KCNB2: variants seen among roughly 807,000 people sequenced by gnomAD.
KCNB2 encodes the protein delayed rectifier potassium channel protein.
KCNB2 carries 15 observed loss-of-function variants against 61.5 expected under a neutral mutation model. The observed-to-expected ratio is 0.24, with a 90% CI of 0.16 to 0.38. KCNB2 has a LOEUF of 0.38. Ranked by LOEUF, KCNB2 falls within the 10% of genes least tolerant of loss-of-function variation. The pLI is 1.00. For synonymous variants in KCNB2, 457 were observed against 446.0 expected, an observed-to-expected ratio of 1.02 and a Z score of -0.31; for missense variants, 828 against 1,125.2, an observed-to-expected ratio of 0.74 and a Z score of 3.78.
intron 2 of KCNB2, among the ~76,000 whole-genome samples, chr8:72,674,668 G>A (rs535369139): frequency 6.6e-6 from 1 of 152,138 alleles, no homozygotes; most frequent in South Asian, 2.1e-4. Flanking sequence ...TTGCTTTGTA[G>A]CCCTAGTATT....
intron 2 of KCNB2, among the ~76,000 whole-genome samples, chr8:72,599,995 GA>G (rs1807267298): frequency 6.6e-6 from 1 of 152,310 alleles, no homozygotes; most frequent in African/African-American, 2.4e-5. Flanking sequence ...ACTGTTGGTG[GA>G]ACTGTAAACT....
Position 72,619,289 on chromosome 8 carries a change from G to T in KCNB2, c.579+50976G>T, listed in dbSNP as rs1211883434. The T allele has an allele frequency of 4.9e-6, 3 of 616,670 alleles. No homozygotes were observed. In the East Asian group the frequency reaches 1.2e-4, roughly 25 times the overall value. 38.2% of individuals were successfully genotyped at this position (616,670 alleles called of 1,614,324 possible). A position where few individuals can be genotyped will look rare whatever the true frequency, so the allele number is the denominator to read the frequency against. ...AAGCATTCAGATACCTGGAACCAGT[G>T]CTGGAGAGATTGGCAGGGGAAAAGT... On this transcript the variant is annotated intron_variant, in intron 2 of 2. Coordinates refer to ENST00000523207, the MANE Select transcript of KCNB2 (RefSeq NM_004770.3).
intron 1 of KCNB2, among the ~76,000 whole-genome samples, chr8:72,561,731 A>ATGTG (rs1806525823): frequency 4.7e-5 from 1 of 21,356 alleles, no homozygotes; most frequent in African/African-American, 1.8e-4. Context: ...ATATATATCT[A>ATGTG]TATCTATATA....
chr8:72,708,884 A>G (rs1239464745), intron 2 of KCNB2, among the ~76,000 whole-genome samples: 1 of 152,106 alleles, frequency 6.6e-6, no homozygotes, highest in Non-Finnish European at 1.5e-5. Context: ...TTCCTATCCT[A>G]TTTTTATCTG....
intron 2 of KCNB2, among the ~76,000 whole-genome samples, chr8:72,648,481 C>T (rs1806165173): frequency 1.3e-5 from 2 of 151,090 alleles, no homozygotes; most frequent in Admixed American, 6.6e-5. Flanking sequence ...TCTATGTTGC[C>T]TAGGCTGGTC....
intron 2 of KCNB2, among the ~76,000 whole-genome samples, chr8:72,667,623 G>A (rs10957610): frequency 2.0e-5 from 3 of 151,902 alleles, no homozygotes; most frequent in Non-Finnish European, 2.9e-5. Flanking sequence ...CTCCATATCA[G>A]TATATATCTC....
intron 2 of KCNB2, among the ~76,000 whole-genome samples, chr8:72,763,790 T>G (rs541469664): frequency 2.0e-5 from 3 of 152,266 alleles, no homozygotes; most frequent in African/African-American, 7.2e-5. Context: ...CCAAGAAGAA[T>G]GTATTATAAG....
At chr8:72,769,337 T>C (rs1297305067) in intron 2 of KCNB2, among the ~76,000 whole-genome samples, 1 of 152,094 alleles carries the variant, frequency 6.6e-6, no homozygotes, top group Non-Finnish European at 1.5e-5. Context: ...ACTGATCAAG[T>C]AGTTCCTGTG....
intron 2 of KCNB2, chr8:72,750,862 A>G (rs914371745): frequency 6.6e-6 from 1 of 152,188 alleles, no homozygotes; most frequent in East Asian, 1.9e-4. Flanking sequence ...TATAAAAATC[A>G]AATGATATCA....
chr8:72,564,674 A>G (rs1314671072), intron 1 of KCNB2, among the ~76,000 whole-genome samples: 2 of 152,192 alleles, frequency 1.3e-5, no homozygotes, highest in Non-Finnish European at 2.9e-5. Flanking sequence ...ATATAAAGTT[A>G]GGACATGAAC....
intron 2 of KCNB2, among the ~76,000 whole-genome samples, chr8:72,768,082 G>T (rs1229950644): frequency 1.3e-5 from 2 of 152,236 alleles, no homozygotes; most frequent in African/African-American, 4.8e-5. Flanking sequence ...TTATTGGGTT[G>T]TAAGACTTCT....
rs1035139121 is a variant in KCNB2 at position 72,537,625 on chromosome 8, C to G, written c.-354C>G. On this transcript the variant is annotated 5_prime_UTR_variant, in exon 1 of 3. Transcript: ENST00000523207. ...CTTTTAAAGGATGCCTTAGCTTCCTCCCGCCGCCTTTCCTCTGAGCCTTCC... is the reference window on the plus strand; with the variant it reads ...CTTTTAAAGGATGCCTTAGCTTCCTGCCGCCGCCTTTCCTCTGAGCCTTCC... 2.0e-5 allele frequency: 3 copies of G among 152,442 alleles called. No individual in the cohort carries two copies. Among genetic ancestry groups the G allele is most frequent in the Non-Finnish European group, 4.4e-5 (3 of 68,244 alleles). 9.4% of individuals were successfully genotyped at this position (152,442 alleles called of 1,614,324 possible).
intron 2 of KCNB2, among the ~76,000 whole-genome samples, chr8:72,907,586 A>T (rs1020804302): frequency 1.3e-5 from 2 of 152,208 alleles, no homozygotes; most frequent in African/African-American, 4.8e-5. Context: ...TAAAAGGAGA[A>T]TTCAACCTAG....
In KCNB2 at chr8:72,672,616, G is replaced by A. The variant is rs1806583492; in HGVS notation, c.579+104303G>A. 3.3e-5 allele frequency among the ~76,000 whole-genome samples: 5 copies of A among 151,586 alleles called. No homozygotes were observed. In the South Asian group the frequency reaches 1.0e-3, roughly 32 times the overall value. ...TAGTGAAAGGTGTTTTTGATGTCTT[G>A]AATTTAACAAAAGAGCTCTTTTTTT... On this transcript the variant is annotated intron_variant, in intron 2 of 2. Coordinates refer to ENST00000523207, the MANE Select transcript of KCNB2 (RefSeq NM_004770.3).
At chr8:72,792,769 G>A (rs144720001) in intron 2 of KCNB2, among the ~76,000 whole-genome samples, 91 of 152,300 alleles carry the variant, frequency 6.0e-4, no homozygotes, top group African/African-American at 2.1e-3. Context: ...TAAATCATGT[G>A]TTTATAAGAC....
At chr8:72,635,426 G>A (rs898239483) in intron 2 of KCNB2, among the ~76,000 whole-genome samples, 18 of 152,152 alleles carry the variant, frequency 1.2e-4, no homozygotes, top group South Asian at 2.1e-4. Context: ...GGGATTTGTC[G>A]TCCTGTCAGT....
rs1242179937 is a variant in KCNB2, at chr8:72,815,584, A to C, written c.580-120351A>C. On this transcript the variant is annotated intron_variant, in intron 2 of 2. Coordinates refer to ENST00000523207, the MANE Select transcript of KCNB2 (RefSeq NM_004770.3). ...TCAATAAATATTTGCTGAATAAATGAATGAATGAACAAACAGGGACCGAGA... is the reference window on the plus strand; with the variant it reads ...TCAATAAATATTTGCTGAATAAATGCATGAATGAACAAACAGGGACCGAGA... Among the ~76,000 whole-genome samples the C allele has an allele frequency of 3.3e-5, 5 of 152,218 alleles. No homozygotes were observed. The East Asian group carries it at 9.6e-4, about 29-fold the overall frequency.
intron 1 of KCNB2, among the ~76,000 whole-genome samples, chr8:72,549,210 C>A (rs1310395101): frequency 6.6e-6 from 1 of 152,138 alleles, no homozygotes; most frequent in Admixed American, 6.5e-5. Flanking sequence ...ATTTCGTCTT[C>A]TATATCCCTT....
chr8:72,592,983 G>T (rs1453703117), intron 2 of KCNB2, among the ~76,000 whole-genome samples: 1 of 152,074 alleles, frequency 6.6e-6, no homozygotes, highest in African/African-American at 2.4e-5. Context: ...ATAAATAAAA[G>T]ACTTTTTGAA....
Sources: allele counts gnomAD v4.1 joint callset (sites outside exome capture counted in the v4.1 genomes callset), GRCh38; gene constraint gnomAD v4.1.1; transcripts MANE v1.5; gene names NCBI Gene and HGNC (gene_info 2026-07-23, HGNC 2026-07-21).